The following OR2L13 variants were observed in gnomAD, a reference collection of about 807,000 sequenced individuals.
OR2L13 encodes the protein olfactory receptor 2L13.
A neutral mutation model predicts 15.3 loss-of-function variants in OR2L13; 14 were observed. The ratio of observed to expected loss-of-function variants is 0.91; its 90% CI spans 0.60 to 1.43. OR2L13 has a LOEUF of 1.43. Ranked by LOEUF, OR2L13 falls within the 40% of genes most tolerant of loss-of-function variation. OR2L13 has a pLI of 0.00. For synonymous variants in OR2L13, 152 were observed against 142.9 expected (o/e 1.06, Z -0.45); for missense variants, 367 against 387.9 (o/e 0.95, Z 0.45).
At chr1:247,942,545 G>T in the OR2L13 span, among the ~76,000 whole-genome samples, 1 of 151,992 alleles carries the variant, frequency 6.6e-6, no homozygotes, top group African/African-American at 2.4e-5. Context: ...GATTCCTAAT[G>T]ACATTTATGA....
At chr1:247,938,367 A>G in the OR2L13 span, among the ~76,000 whole-genome samples, 1 of 152,274 alleles carries the variant, frequency 6.6e-6, no homozygotes, top group East Asian at 1.9e-4. Flanking sequence ...ACAACTCATA[A>G]TAATACCTAA....
the OR2L13 span, among the ~76,000 whole-genome samples, chr1:248,049,405 G>A: frequency 6.6e-6 from 1 of 152,276 alleles, no homozygotes; most frequent in Admixed American, 6.5e-5. Flanking sequence ...TTGGAGAGTC[G>A]TAAATATTAC....
chr1:247,989,226 A>G, the OR2L13 span, among the ~76,000 whole-genome samples: 1 of 152,198 alleles, frequency 6.6e-6, no homozygotes, highest in African/African-American at 2.4e-5. Flanking sequence ...TAGAAGAACC[A>G]AATAATGATG....
chr1:248,091,880 G>T (rs1165030048), upstream of OR2L13, among the ~76,000 whole-genome samples: 3 of 152,030 alleles, frequency 2.0e-5, no homozygotes, highest in Non-Finnish European at 2.9e-5. Flanking sequence ...AATTGCTTTG[G>T]GCAGTATGGC....
chr1:247,944,666 C>G, the OR2L13 span, among the ~76,000 whole-genome samples: 1 of 152,146 alleles, frequency 6.6e-6, no homozygotes, highest in African/African-American at 2.4e-5. Context: ...GCATAGTATT[C>G]CATGGTGTAT....
chr1:248,003,951 C>T, the OR2L13 span: 5 of 1,613,642 alleles, frequency 3.1e-6, no homozygotes, highest in East Asian at 1.1e-4. Flanking sequence ...AAGGTTCTGG[C>T]TGTCTTCTAC....
the OR2L13 span, among the ~76,000 whole-genome samples, chr1:247,978,772 G>C: frequency 6.6e-6 from 1 of 151,842 alleles, no homozygotes; most frequent in African/African-American, 2.4e-5. Flanking sequence ...CCTCCTCTGG[G>C]CTTCCTTGTG....
the OR2L13 span, chr1:248,062,796 C>T: frequency 2.0e-5 from 3 of 152,190 alleles, no homozygotes; most frequent in African/African-American, 7.2e-5. Context: ...CCGATTAACC[C>T]GATTTGATCA....
the OR2L13 span, among the ~76,000 whole-genome samples, chr1:248,032,093 C>G: frequency 6.6e-6 from 1 of 152,066 alleles, no homozygotes; most frequent in Non-Finnish European, 1.5e-5. Context: ...TTGCATCAGT[C>G]TTAATGCTGA....
At chr1:248,094,552 T>C (rs1035001406), upstream of OR2L13, among the ~76,000 whole-genome samples, 5 of 152,204 alleles carry the variant, frequency 3.3e-5, no homozygotes, top group Non-Finnish European at 7.3e-5. Flanking sequence ...GCTTCCTAAT[T>C]AGTGGCATAG....
the OR2L13 span, among the ~76,000 whole-genome samples, chr1:247,998,857 A>C: frequency 6.6e-6 from 1 of 152,132 alleles, no homozygotes. Context: ...AGTTTCAGTG[A>C]AATAATAGAA....
chr1:247,949,000 T>C, the OR2L13 span: 51 of 1,613,902 alleles, frequency 3.2e-5, no homozygotes, highest in East Asian at 1.1e-3. Flanking sequence ...ATTCTTCTCA[T>C]CTTCTTGGAC....
chr1:247,966,436 A>C, the OR2L13 span: 1 of 1,214,290 alleles, frequency 8.2e-7, no homozygotes, highest in East Asian at 2.4e-5. Context: ...AGTGTTTATC[A>C]ATCTTGTTTA....
chr1:248,011,434 T>A, the OR2L13 span, among the ~76,000 whole-genome samples: 114 of 152,220 alleles, frequency 7.5e-4, no homozygotes, highest in Non-Finnish European at 1.4e-3. Context: ...GTTGTAGGGT[T>A]GCTCTTCTCG....
the OR2L13 span, chr1:248,030,342 T>A: frequency 1.3e-5 from 2 of 152,174 alleles, no homozygotes; most frequent in African/African-American, 4.8e-5. Context: ...GAGGTGAATT[T>A]CAGCACTAAT....
chr1:248,080,036 T>A, the OR2L13 span, among the ~76,000 whole-genome samples: 1 of 152,042 alleles, frequency 6.6e-6, no homozygotes. Context: ...ACCAATATGT[T>A]AGAATAATGA....
At chr1:248,099,558 T>A (rs2103202672) in exon 3 of OR2L13, 2 of 1,614,118 alleles carry the variant, frequency 1.2e-6, no homozygotes, top group East Asian at 4.5e-5. Context: ...TGTACTTTCT[T>A]CTCAGCCAGC....
the OR2L13 span, among the ~76,000 whole-genome samples, chr1:248,074,205 A>C: frequency 6.6e-6 from 1 of 152,280 alleles, no homozygotes; most frequent in Middle Eastern, 3.4e-3. Flanking sequence ...ATCAATGACC[A>C]GTAAGCATCT....
At chr1:247,949,387 T>C in the OR2L13 span, 7 of 1,614,210 alleles carry the variant, frequency 4.3e-6, no homozygotes, top group African/African-American at 1.3e-5. Flanking sequence ...AATCATTTCT[T>C]CTGTGATGTC....
Sources: allele counts gnomAD v4.1 joint callset (sites outside exome capture counted in the v4.1 genomes callset), GRCh38; gene constraint gnomAD v4.1.1; transcripts MANE v1.5; gene names NCBI Gene and HGNC (gene_info 2026-07-23, HGNC 2026-07-21).